TTC28: variants seen among roughly 807,000 people sequenced by gnomAD.
TTC28 encodes tetratricopeptide repeat domain 28.
TTC28 carries 61 observed loss-of-function variants against 198.0 expected under a neutral mutation model. The ratio of observed to expected loss-of-function variants is 0.31; its 90% CI spans 0.25 to 0.38. The LOEUF (loss-of-function observed/expected upper bound fraction) is 0.38. Among genes scored for constraint, TTC28 ranks in the 10% least tolerant of loss-of-function variants. TTC28 has a pLI of 1.00. For synonymous variants in TTC28, 1,171 were observed against 1,297.8 expected (o/e 0.90, Z 2.10); for missense variants, 2,678 against 3,164.0 (o/e 0.85, Z 3.69).
chr22:28,511,904 G>A (rs533190418), intron 2 of TTC28, among the ~76,000 whole-genome samples: 1 of 151,674 alleles, frequency 6.6e-6, no homozygotes, highest in Admixed American at 6.6e-5. Flanking sequence ...ATAGGCATGG[G>A]CAAAGATTTT....
At chr22:28,295,178 C>T (rs2044869594) in intron 5 of TTC28, among the ~76,000 whole-genome samples, 1 of 152,172 alleles carries the variant, frequency 6.6e-6, no homozygotes, top group South Asian at 2.1e-4. Flanking sequence ...TTTTCTTCCC[C>T]AATTCCTTCC....
At chr22:28,539,820 T>G (rs976658536) in intron 2 of TTC28, among the ~76,000 whole-genome samples, 1 of 151,380 alleles carries the variant, frequency 6.6e-6, no homozygotes, top group Non-Finnish European at 1.5e-5. Flanking sequence ...TGTGTTGTTA[T>G]AAAGAAACAC....
At chr22:28,478,524 A>C (rs1480935236) in intron 2 of TTC28, among the ~76,000 whole-genome samples, 5 of 152,094 alleles carry the variant, frequency 3.3e-5, no homozygotes, top group South Asian at 2.1e-4. Context: ...CAAATCAAAT[A>C]AAATAGTCCT....
chr22:28,020,193 C>A (rs567970341), intron 13 of TTC28, among the ~76,000 whole-genome samples: 1 of 152,220 alleles, frequency 6.6e-6, no homozygotes, highest in Non-Finnish European at 1.5e-5. Context: ...AGCTGCACCA[C>A]CCCGGGGCTC....
chr22:28,354,226 C>T (rs562403038), intron 2 of TTC28, among the ~76,000 whole-genome samples: 29 of 152,272 alleles, frequency 1.9e-4, no homozygotes, highest in Middle Eastern at 3.4e-3. Context: ...AGTTATCCAA[C>T]AGTGTTCATA....
intron 1 of TTC28, among the ~76,000 whole-genome samples, chr22:28,678,303 T>C (rs190513125): frequency 8.5e-5 from 13 of 152,324 alleles, no homozygotes; most frequent in East Asian, 1.9e-4. Context: ...CAACTTGTAC[T>C]TCCTGAGCTC....
intron 2 of TTC28, among the ~76,000 whole-genome samples, chr22:28,493,100 T>C (rs1323516743): frequency 6.7e-6 from 1 of 150,176 alleles, no homozygotes; most frequent in Non-Finnish European, 1.5e-5. Context: ...CTCACGCCTG[T>C]AATCTCAACA....
intron 5 of TTC28, among the ~76,000 whole-genome samples, chr22:28,176,560 G>T (rs1261386807): frequency 2.0e-5 from 3 of 152,186 alleles, no homozygotes; most frequent in African/African-American, 4.8e-5. Context: ...ACAGCTAGAA[G>T]AGAAGCTTTT....
rs146966623 is a variant in TTC28, at chr22:28,548,493, C to A, written c.381+81059G>T. ...TCACCACAAATCATCAGTTATAAAG[C>A]TCAAAGTCACACTGGTTAACTAGCT... is the stretch of plus-strand genomic sequence containing the variant. On this transcript the variant is annotated intron_variant, in intron 2 of 22. Transcript: ENST00000397906. Among the ~76,000 whole-genome samples, 350 of 152,246 alleles carry A rather than the reference C, an allele frequency of 2.3e-3. 3 individuals are homozygous for A. The highest frequency in any genetic ancestry group is 8.2e-3 in the African/African-American group (341 of 41,534).
intron 2 of TTC28, among the ~76,000 whole-genome samples, chr22:28,440,605 T>C (rs1173913045): frequency 3.3e-5 from 5 of 152,204 alleles, no homozygotes; most frequent in East Asian, 1.9e-4. Flanking sequence ...TAGCACTCTT[T>C]GGATGATCTT....
intron 6 of TTC28, among the ~76,000 whole-genome samples, chr22:28,152,139 AAAT>A (rs1943622913): frequency 6.6e-6 from 1 of 152,210 alleles, no homozygotes; most frequent in Non-Finnish European, 1.5e-5. Flanking sequence ...GAATTAAATG[AAAT>A]AATGTTTGCA....
chr22:28,374,383 A>G (rs2046379282), intron 2 of TTC28, among the ~76,000 whole-genome samples: 1 of 152,238 alleles, frequency 6.6e-6, no homozygotes, highest in Admixed American at 6.5e-5. Flanking sequence ...GCTCGCCACT[A>G]AGTGAAATAC....
chr22:28,102,924 C>T lies in TTC28; in HGVS notation c.3308-1644G>A, dbSNP rs111590670. On this transcript the variant is annotated intron_variant, in intron 8 of 22. Coordinates refer to ENST00000397906, the MANE Select transcript of TTC28 (RefSeq NM_001145418.2). The stretch of plus-strand genomic sequence containing the variant: ...TTCTTGGGAGAAAACCAGAAGGATA[C>T]CGATTGTTTAAACCTTCAATAAGCT... Among the ~76,000 whole-genome samples, 93 of 152,282 alleles carry T rather than the reference C, an allele frequency of 6.1e-4. 1 individual carries two copies. The highest frequency in any genetic ancestry group is 1.5e-3 in the Admixed American group (23 of 15,286).
intron 2 of TTC28, among the ~76,000 whole-genome samples, chr22:28,440,223 G>A (rs1045564466): frequency 2.0e-5 from 3 of 152,132 alleles, no homozygotes; most frequent in Non-Finnish European, 2.9e-5. Context: ...CAATTACATG[G>A]CTCTTGGTGG....
chr22:28,390,166 T>C (rs1268313928), intron 2 of TTC28, among the ~76,000 whole-genome samples: 1 of 152,252 alleles, frequency 6.6e-6, no homozygotes, highest in African/African-American at 2.4e-5. Flanking sequence ...AGTGAGAATC[T>C]TAACCCTGAG....
intron 6 of TTC28, among the ~76,000 whole-genome samples, chr22:28,135,967 T>G (rs920864968): frequency 1.1e-4 from 16 of 152,236 alleles, no homozygotes; most frequent in African/African-American, 3.6e-4. Flanking sequence ...ACTACACTGA[T>G]GAAGGGTCAG....
chr22:28,141,812 C>G (rs1273939015), intron 6 of TTC28, among the ~76,000 whole-genome samples: 2 of 152,054 alleles, frequency 1.3e-5, no homozygotes, highest in Admixed American at 1.3e-4. Flanking sequence ...ACAAACCTCC[C>G]ACATCAAACA....
Position 28,034,665 on chromosome 22 carries a change from G to A in TTC28, c.3933-4299C>T, listed in dbSNP as rs559257539. 2.6e-5 allele frequency among the ~76,000 whole-genome samples: 4 copies of A among 152,266 alleles called. No homozygotes were observed. In the South Asian group the frequency reaches 6.2e-4, roughly 24 times the overall value. On this transcript the variant is annotated intron_variant, in intron 12 of 22. Transcript: ENST00000397906. ...AGAAGGCTGAGGTCTGGATTATTAC[G>A]GTCATGAAGAACAGTGAGGGCAAAA...
At position 28,140,132 on chromosome 22, in the gene TTC28, A is replaced by T. The variant is rs147366911; in HGVS notation, c.1441+22960T>A. ...GAGAGGGTCTGCTCTGACTCTCTGCAGGGTTGTTGTGAGGACAAACCGAAG... is the reference window on the plus strand; with the variant it reads ...GAGAGGGTCTGCTCTGACTCTCTGCTGGGTTGTTGTGAGGACAAACCGAAG... On this transcript the variant is annotated intron_variant, in intron 6 of 22. Transcript: ENST00000397906. 9.3e-4 allele frequency among the ~76,000 whole-genome samples: 141 copies of T among 152,334 alleles called. 1 individual carries two copies. The highest frequency in any genetic ancestry group is 3.2e-3 in the African/African-American group (134 of 41,574).
Sources: gnomAD v4.1 joint callset for allele counts (sites outside exome capture counted in the v4.1 genomes callset) on GRCh38, gnomAD v4.1.1 for gene constraint, MANE v1.5 for transcripts, NCBI Gene and HGNC (gene_info 2026-07-23, HGNC 2026-07-21) for gene names.